The following SORCS2 variants were observed in gnomAD, a reference collection of about 807,000 sequenced individuals.
SORCS2 encodes sortilin related VPS10 domain containing receptor 2.
A neutral mutation model predicts 141.6 loss-of-function variants in SORCS2; 100 were observed. The observed-to-expected ratio is 0.71, with a 90% CI of 0.60 to 0.83. SORCS2 has a LOEUF of 0.83. Among genes scored for constraint, SORCS2 ranks in the 40% least tolerant of loss-of-function variants. The probability of loss-of-function intolerance (pLI) is 0.00; values close to 1 mark genes in which losing one functional copy is unlikely to be tolerated. For missense variants in SORCS2, 1,646 were observed against 1,560.2 expected (o/e 1.05, Z -0.93); for synonymous variants, 789 against 676.9 (o/e 1.17, Z -2.57).
At chr4:7,399,523 A>G (rs1251657823) in intron 2 of SORCS2, among the ~76,000 whole-genome samples, 1 of 152,156 alleles carries the variant, frequency 6.6e-6, no homozygotes, top group Non-Finnish European at 1.5e-5. Flanking sequence ...CTGATGATCC[A>G]GTGCTCTGCC....
chr4:7,457,863 A>G (rs1428856227), intron 2 of SORCS2, among the ~76,000 whole-genome samples: 3 of 152,204 alleles, frequency 2.0e-5, no homozygotes, highest in African/African-American at 7.2e-5. Flanking sequence ...TTGAGCTGAC[A>G]CAGCTGCCTG....
chr4:7,726,559 A>G (rs1727231527), intron 20 of SORCS2, among the ~76,000 whole-genome samples: 1 of 152,064 alleles, frequency 6.6e-6, no homozygotes, highest in Non-Finnish European at 1.5e-5. Context: ...GGGCAACAGA[A>G]CAAGACTCTG....
chr4:7,612,355 G>A (rs986920638), intron 3 of SORCS2, among the ~76,000 whole-genome samples: 17 of 152,132 alleles, frequency 1.1e-4, no homozygotes, highest in Non-Finnish European at 2.2e-4. Flanking sequence ...TAGGACACAC[G>A]CCTCCGCCAC....
At chr4:7,535,461 C>T (rs559403271) in intron 3 of SORCS2, among the ~76,000 whole-genome samples, 8 of 152,322 alleles carry the variant, frequency 5.3e-5, no homozygotes, top group East Asian at 3.9e-4. Context: ...GTAGCCTACC[C>T]GCTCTGAGAC....
At chr4:7,410,462 G>C (rs1725232311) in intron 2 of SORCS2, among the ~76,000 whole-genome samples, 1 of 152,154 alleles carries the variant, frequency 6.6e-6, no homozygotes, top group Non-Finnish European at 1.5e-5. Context: ...TGACCTCTCT[G>C]GGTCTCCTCT....
intron 15 of SORCS2, among the ~76,000 whole-genome samples, chr4:7,713,187 T>C (rs895417910): frequency 1.3e-5 from 2 of 152,148 alleles, no homozygotes; most frequent in Non-Finnish European, 2.9e-5. Context: ...GCCTGTACCA[T>C]ACATGACATT....
In SORCS2 at chr4:7,715,300, C is replaced by G; in HGVS notation, c.2241C>G (p.Thr747=). The G allele has an allele frequency of 3.1e-6, 5 of 1,614,008 alleles. No individual in the cohort carries two copies. Among genetic ancestry groups the G allele is most frequent in the Non-Finnish European group, 4.2e-6 (5 of 1,179,878 alleles). Residue 747 remains threonine, a synonymous_variant, in exon 17 of 27, where the codon ACC becomes ACG. Coordinates refer to ENST00000507866, the MANE Select transcript of SORCS2 (RefSeq NM_020777.3). ...ACTGTGCCCTGGGCCAGACCTACAC[C>G]AGCAGCCTTGGGTGAGTGTGGGTGC... ...PDDCALGQTY[T]SSLGYRKVVS...
At chr4:7,402,467 G>C (rs1480264024) in intron 2 of SORCS2, among the ~76,000 whole-genome samples, 1 of 152,164 alleles carries the variant, frequency 6.6e-6, no homozygotes, top group East Asian at 1.9e-4. Flanking sequence ...GCCTTTTGAA[G>C]TTTGCTTTAT....
At chr4:7,681,473 T>C (rs958406673) in intron 9 of SORCS2, among the ~76,000 whole-genome samples, 3 of 152,178 alleles carry the variant, frequency 2.0e-5, no homozygotes, top group African/African-American at 7.2e-5. Context: ...TGCCGGTGCC[T>C]CTAGAAGCTG....
intron 1 of SORCS2, among the ~76,000 whole-genome samples, chr4:7,194,506 TACAGG>T (rs1465409144): frequency 6.6e-6 from 1 of 152,144 alleles, no homozygotes. Context: ...TCTATCAGGG[TACAGG>T]TGCCAAGTGT....
intron 19 of SORCS2, among the ~76,000 whole-genome samples, chr4:7,724,474 A>ACAATGG (rs1378575206): frequency 3.8e-5 from 1 of 26,200 alleles, no homozygotes; most frequent in Non-Finnish European, 6.6e-5. Flanking sequence ...GGTGATGGTG[A>ACAATGG]TGGTGGTGAT....
intron 3 of SORCS2, among the ~76,000 whole-genome samples, chr4:7,537,032 G>C (rs1712188817): frequency 6.6e-6 from 1 of 152,182 alleles, no homozygotes. Context: ...TCATGCTCCG[G>C]GCTCCTGAGG....
At chr4:7,705,762 A>G (rs1478138393) in intron 14 of SORCS2, among the ~76,000 whole-genome samples, 1 of 152,144 alleles carries the variant, frequency 6.6e-6, no homozygotes, top group Non-Finnish European at 1.5e-5. Context: ...CACACCCTCG[A>G]CCCTGAGTGG....
chr4:7,281,641 C>G (rs1715889737), intron 1 of SORCS2, among the ~76,000 whole-genome samples: 1 of 152,212 alleles, frequency 6.6e-6, no homozygotes, highest in Non-Finnish European at 1.5e-5. Flanking sequence ...AACTGCGAGC[C>G]TCCATTGGGC....
At chr4:7,306,550 T>C (rs1306808939) in intron 1 of SORCS2, among the ~76,000 whole-genome samples, 1 of 152,136 alleles carries the variant, frequency 6.6e-6, no homozygotes, top group African/African-American at 2.4e-5. Flanking sequence ...GGGTGTAAAC[T>C]GTTGTCTAAG....
intron 1 of SORCS2, among the ~76,000 whole-genome samples, chr4:7,268,779 A>G (rs187824319): frequency 4.1e-4 from 62 of 152,306 alleles, no homozygotes; most frequent in Admixed American, 1.8e-3. Context: ...AACTGCTTCC[A>G]TCTTAAAGCA....
intron 1 of SORCS2, among the ~76,000 whole-genome samples, chr4:7,208,037 C>T (rs1389545177): frequency 6.6e-6 from 1 of 152,084 alleles, no homozygotes; most frequent in Non-Finnish European, 1.5e-5. Flanking sequence ...CCCACCTCCC[C>T]CAGTGTCCCT....
intron 1 of SORCS2, among the ~76,000 whole-genome samples, chr4:7,230,941 G>T (rs576906682): frequency 7.9e-5 from 12 of 152,386 alleles, no homozygotes; most frequent in Admixed American, 5.9e-4. Flanking sequence ...GCATTGGTCA[G>T]GGTTCTCCAG....
At chr4:7,395,925 C>G (rs1017531660) in intron 1 of SORCS2, among the ~76,000 whole-genome samples, 2 of 152,200 alleles carry the variant, frequency 1.3e-5, no homozygotes, top group Non-Finnish European at 2.9e-5. Flanking sequence ...TTGCCAAATG[C>G]GCTCCATCCT....
Sources: gnomAD v4.1 joint callset for allele counts (sites outside exome capture counted in the v4.1 genomes callset) on GRCh38, gnomAD v4.1.1 for gene constraint, MANE v1.5 for transcripts, NCBI Gene and HGNC (gene_info 2026-07-23, HGNC 2026-07-21) for gene names.